ERI1: variants seen among roughly 807,000 people sequenced by gnomAD.
ERI1 encodes 3'-5' exoribonuclease 1.
ERI1 carries 39 observed loss-of-function variants against 39.7 expected under a neutral mutation model. The ratio of observed to expected loss-of-function variants is 0.98; its 90% CI spans 0.76 to 1.28. ERI1 has a LOEUF of 1.28. ERI1 is among the 50% of genes most tolerant of loss of function. The pLI is 0.00. For synonymous variants in ERI1, 204 were observed against 149.6 expected (o/e 1.36, Z -2.65); for missense variants, 581 against 416.9 (o/e 1.39, Z -3.43).
downstream of ERI1, among the ~76,000 whole-genome samples, chr8:9,033,508 A>G (rs1797729914): frequency 6.6e-6 from 1 of 152,182 alleles, no homozygotes; most frequent in Non-Finnish European, 1.5e-5. Context: ...GTAATGCAAT[A>G]TATAAGTTCC....
At chr8:9,074,517 C>G (rs1340311316) in intron 3 of ERI1, among the ~76,000 whole-genome samples, 1 of 152,168 alleles carries the variant, frequency 6.6e-6, no homozygotes, top group Non-Finnish European at 1.5e-5. Context: ...ACATGGCTCA[C>G]TGCAGCCTTG....
At position 9,032,345 on chromosome 8, in the gene ERI1, A is replaced by G. The variant is rs1045429241; in HGVS notation, c.*2311A>G. ...TGTTAACTTTTATTCTATGCTTCAT[A>G]TGCTCTGACATTGACATAGTGGATT... is the stretch of plus-strand genomic sequence containing the variant. On this transcript the variant is annotated 3_prime_UTR_variant, in exon 7 of 7. Coordinates refer to ENST00000250263, the MANE Select transcript of ERI1 (RefSeq NM_153332.4). The G allele has an allele frequency of 6.6e-6, 1 of 152,212 alleles. No homozygotes were observed. Among genetic ancestry groups the G allele is most frequent in the African/African-American group, 2.4e-5 (1 of 41,462 alleles). The allele number at this position is 152,212 out of a possible 1,614,324, so 9.4% of individuals were successfully genotyped here. A position where few individuals can be genotyped will look rare whatever the true frequency, so the allele number is the denominator to read the frequency against.
chr8:9,029,562 C>T lies in ERI1; in HGVS notation c.808-230C>T, dbSNP rs183258510. The stretch of plus-strand genomic sequence containing the variant: ...GCCAGGCTGGTCTCATACTCCTGAC[C>T]TCAAGTGATCTGCCCACCTTGGCCT... On this transcript the variant is annotated intron_variant, in intron 6 of 6. Coordinates refer to ENST00000250263, the MANE Select transcript of ERI1 (RefSeq NM_153332.4). 2.9e-3 allele frequency among the ~76,000 whole-genome samples: 445 copies of T among 152,286 alleles called. 2 individuals are homozygous for T. The highest frequency in any genetic ancestry group is 0.01 in the African/African-American group (427 of 41,552).
intron 3 of ERI1, among the ~76,000 whole-genome samples, chr8:9,015,273 T>A (rs1307336546): frequency 6.6e-6 from 1 of 152,186 alleles, no homozygotes; most frequent in East Asian, 1.9e-4. Context: ...TTTTTAAATC[T>A]TCTGCCATGA....
intron 6 of ERI1, among the ~76,000 whole-genome samples, chr8:9,028,717 G>T (rs528713291): frequency 6.6e-6 from 1 of 151,998 alleles, no homozygotes; most frequent in Admixed American, 6.6e-5. Flanking sequence ...TCTGCCTCCC[G>T]GGTTCAAGGG....
intron 3 of ERI1, among the ~76,000 whole-genome samples, chr8:9,050,708 C>T (rs537544247): frequency 9.5e-4 from 144 of 152,162 alleles, no homozygotes; most frequent in African/African-American, 3.3e-3. Flanking sequence ...GTCAGAGTTA[C>T]GGAAGGAATG....
At chr8:9,019,482 C>T (rs989538040) in intron 5 of ERI1, among the ~76,000 whole-genome samples, 3 of 152,298 alleles carry the variant, frequency 2.0e-5, no homozygotes, top group South Asian at 2.1e-4. Flanking sequence ...GTATAGTATA[C>T]GCAGTTCTGG....
At chr8:9,086,402 T>C (rs1799527229) in intron 3 of ERI1, among the ~76,000 whole-genome samples, 1 of 151,866 alleles carries the variant, frequency 6.6e-6, no homozygotes, top group African/African-American at 2.4e-5. Context: ...ATACAAAAAC[T>C]AGATGGGTGT....
At position 9,016,356 on chromosome 8, in the gene ERI1, T is replaced by G; in HGVS notation, c.533T>G (p.Ile178Ser). 6.2e-7 allele frequency: 1 copy of G among 1,607,604 alleles called. No homozygotes were observed. The highest frequency in any genetic ancestry group is 8.5e-7 in the Non-Finnish European group (1 of 1,176,734). ...DTFQQYVRPE[I>S]NTQLSDFCIS... ...TTTCAGCAGTATGTAAGACCAGAGA[T>G]TAACACACAGCTGTCTGATTTCTGC... The change falls in exon 4 of 7, where the codon ATT becomes AGT. Residue 178 changes from isoleucine (I) to serine (S), a missense_variant. Physicochemically the swap from Ile to Ser is moderately radical, Grantham distance 142. Coordinates refer to ENST00000250263, the MANE Select transcript of ERI1 (RefSeq NM_153332.4).
chr8:9,044,270 C>G (rs981350858), intron 3 of ERI1, among the ~76,000 whole-genome samples: 2 of 152,180 alleles, frequency 1.3e-5, no homozygotes, highest in African/African-American at 4.8e-5. Context: ...TGCAGGGCAA[C>G]AAGTCTAGAG....
chr8:9,084,519 C>T (rs1242911724), intron 3 of ERI1, among the ~76,000 whole-genome samples: 1 of 152,152 alleles, frequency 6.6e-6, no homozygotes, highest in Non-Finnish European at 1.5e-5. Flanking sequence ...TTCCAGCCTC[C>T]CTTAACTCCA....
At chr8:9,039,633 G>A (rs905355957) in intron 3 of ERI1, among the ~76,000 whole-genome samples, 1 of 152,204 alleles carries the variant, frequency 6.6e-6, no homozygotes, top group Non-Finnish European at 1.5e-5. Context: ...ATATAGGTGT[G>A]TACGTATATT....
At chr8:9,039,877 A>C (rs1476717460) in intron 3 of ERI1, among the ~76,000 whole-genome samples, 2 of 152,204 alleles carry the variant, frequency 1.3e-5, no homozygotes, top group African/African-American at 2.4e-5. Flanking sequence ...TATTTCACAA[A>C]ATGATTGTGG....
At chr8:9,063,256 A>C (rs993002260) in intron 3 of ERI1, among the ~76,000 whole-genome samples, 1 of 152,174 alleles carries the variant, frequency 6.6e-6, no homozygotes, top group Non-Finnish European at 1.5e-5. Flanking sequence ...AGGGGCCATG[A>C]ACTGGGCTGG....
At chr8:9,077,582 C>G (rs969075871) in intron 3 of ERI1, among the ~76,000 whole-genome samples, 1 of 152,190 alleles carries the variant, frequency 6.6e-6, no homozygotes, top group Non-Finnish European at 1.5e-5. Context: ...CAGAAATGCA[C>G]TGTGAACAAA....
At position 9,007,386 on chromosome 8, in the gene ERI1, T is replaced by C. The variant is rs560567953; in HGVS notation, c.109-584T>C. On this transcript the variant is annotated intron_variant, in intron 1 of 6. Transcript: ENST00000250263. The stretch of plus-strand genomic sequence containing the variant: ...CAGGTTAAAAAATTATCAGAAGTTA[T>C]TACACATGTATAATGTAAAAGTTCA... Among the ~76,000 whole-genome samples the C allele has an allele frequency of 2.0e-5, 3 of 152,354 alleles. No homozygotes were observed. In the South Asian group the frequency reaches 6.2e-4, roughly 32 times the overall value.
chr8:9,011,796 A>C lies in ERI1; in HGVS notation c.498+44A>C, dbSNP rs199637353. 141 of 1,452,788 alleles carry C rather than the reference A, an allele frequency of 9.7e-5. 1 individual carries two copies. In the African/African-American group the frequency reaches 1.7e-3, roughly 18 times the overall value. The allele number at this position is 1,452,788 out of a possible 1,614,324, so 90.0% of individuals were successfully genotyped here. ...TTTAATTGTATTTCTAGCAGCAACT[A>C]TTCTGGTGTTTACTGGTTATGTGGA... On this transcript the variant is annotated intron_variant, in intron 3 of 6. Transcript: ENST00000250263.
intron 3 of ERI1, among the ~76,000 whole-genome samples, chr8:9,051,606 G>A (rs1439104829): frequency 2.6e-5 from 4 of 151,444 alleles, no homozygotes; most frequent in Non-Finnish European, 4.4e-5. Flanking sequence ...GCAGTGAGCC[G>A]AGACTGTACC....
intron 3 of ERI1, among the ~76,000 whole-genome samples, chr8:9,058,625 C>T (rs1291275556): frequency 2.0e-5 from 3 of 152,084 alleles, no homozygotes; most frequent in African/African-American, 7.2e-5. Flanking sequence ...CTGAAAGTAT[C>T]GTCTTCTGTT....
Sources: allele counts gnomAD v4.1 joint callset (sites outside exome capture counted in the v4.1 genomes callset), GRCh38; gene constraint gnomAD v4.1.1; transcripts MANE v1.5; gene names NCBI Gene and HGNC (gene_info 2026-07-23, HGNC 2026-07-21).